SWT1: variants seen among roughly 807,000 people sequenced by gnomAD.
SWT1 encodes SWT1 RNA endoribonuclease homolog.
A neutral mutation model predicts 107.3 loss-of-function variants in SWT1; 33 were observed. The observed-to-expected ratio is 0.31, with a 90% CI of 0.23 to 0.41. SWT1 has a LOEUF of 0.41. Ranked by LOEUF, SWT1 falls within the 10% of genes least tolerant of loss-of-function variation. SWT1 has a pLI of 1.00. For missense variants in SWT1, 898 were observed against 1,028.9 expected, an observed-to-expected ratio of 0.87 and a Z score of 1.74; for synonymous variants, 345 against 348.3, an observed-to-expected ratio of 0.99 and a Z score of 0.11.
At chr1:185,201,207 G>A (rs904804182) in intron 10 of SWT1, among the ~76,000 whole-genome samples, 11 of 152,018 alleles carry the variant, frequency 7.2e-5, no homozygotes, top group Non-Finnish European at 8.8e-5. Context: ...TGAGATCCAC[G>A]GAGCTAGACC....
intron 4 of SWT1, among the ~76,000 whole-genome samples, chr1:185,172,827 T>A (rs907294894): frequency 6.6e-6 from 1 of 152,092 alleles, no homozygotes; most frequent in Admixed American, 6.6e-5. Flanking sequence ...GGTGGGCAGA[T>A]CACGAGGTCA....
Position 185,170,384 on chromosome 1 carries a change from C to T in SWT1, c.224+1986C>T, listed in dbSNP as rs1654944883. The stretch of plus-strand genomic sequence containing the variant: ...TCTCTAGCCTTTGTACGCACTGAGG[C>T]ACACCACTGTTTGTACAATGACTTC... On this transcript the variant is annotated intron_variant, in intron 4 of 18. Coordinates refer to ENST00000367500, the MANE Select transcript of SWT1 (RefSeq NM_017673.7). 2.0e-5 allele frequency among the ~76,000 whole-genome samples: 3 copies of T among 152,202 alleles called. No individual in the cohort carries two copies. In the South Asian group the frequency reaches 6.2e-4, roughly 31 times the overall value.
chr1:185,183,917 G>A (rs1344371045), intron 7 of SWT1, among the ~76,000 whole-genome samples: 1 of 152,120 alleles, frequency 6.6e-6, no homozygotes, highest in Non-Finnish European at 1.5e-5. Flanking sequence ...CAGGTTTCCC[G>A]TGTATTTCTG....
chr1:185,271,366 TA>T lies in SWT1; in HGVS notation c.2486del (p.Tyr829LeufsTer4), dbSNP rs1181629976. On this transcript the variant is annotated frameshift_variant, in exon 17 of 19. Transcript: ENST00000367500. LOFTEE classifies it high-confidence loss of function. The stretch of plus-strand genomic sequence containing the variant: ...TAATTATCAAGATGTTGAGACCCTC[TA>T]TAACTTCCTAATCAAGTATGAGGTA... ...NSNYQDVETL[Y>X]NFLIKYEVNK... 1 of 1,511,638 alleles carries T rather than the reference TA, an allele frequency of 6.6e-7. No homozygotes were observed. The highest frequency in any genetic ancestry group is 9.2e-7 in the Non-Finnish European group (1 of 1,088,706). The allele number at this position is 1,511,638 out of a possible 1,614,324, so 93.6% of individuals were successfully genotyped here.
chr1:185,183,305 GT>G (rs1160041630), intron 7 of SWT1, among the ~76,000 whole-genome samples: 1 of 151,652 alleles, frequency 6.6e-6, no homozygotes, highest in Non-Finnish European at 1.5e-5. Context: ...TTTTGTTTTT[GT>G]TTTTTTGAGA....
chr1:185,273,512 C>T (rs2102741865), intron 17 of SWT1, among the ~76,000 whole-genome samples: 1 of 151,992 alleles, frequency 6.6e-6, no homozygotes, highest in East Asian at 1.9e-4. Context: ...ACCAGCCTGG[C>T]CAACATAGTG....
intron 13 of SWT1, among the ~76,000 whole-genome samples, chr1:185,209,508 A>G (rs1658596720): frequency 1.3e-5 from 2 of 152,112 alleles, no homozygotes; most frequent in Non-Finnish European, 2.9e-5. Flanking sequence ...GTTTGCTGAG[A>G]ATGATGGTTT....
chr1:185,176,675 G>T, intron 5 of SWT1: 1 of 985,362 alleles, frequency 1.0e-6, no homozygotes, highest in South Asian at 4.7e-5. Flanking sequence ...AAGCCTACCT[G>T]CTTTTAGGTA....
chr1:185,207,386 T>C (rs1201035062), intron 13 of SWT1, among the ~76,000 whole-genome samples: 1 of 152,198 alleles, frequency 6.6e-6, no homozygotes, highest in Non-Finnish European at 1.5e-5. Flanking sequence ...GCCCAGTAGG[T>C]GGTGCCTTTG....
chr1:185,202,980 A>G (rs1658007513), intron 11 of SWT1, among the ~76,000 whole-genome samples, 181 bp downstream of exon 11: 1 of 152,376 alleles, frequency 6.6e-6, no homozygotes, highest in East Asian at 1.9e-4. Flanking sequence ...AAAAGAAAAC[A>G]TAATTAACAT....
intron 16 of SWT1, among the ~76,000 whole-genome samples, chr1:185,239,859 T>C (rs1051045026): frequency 1.3e-5 from 2 of 152,110 alleles, no homozygotes; most frequent in African/African-American, 4.8e-5. Context: ...TGATAAAGTT[T>C]CATTTGGAAC....
intron 1 of SWT1, among the ~76,000 whole-genome samples, chr1:185,158,385 A>G: frequency 6.6e-6 from 1 of 151,720 alleles, no homozygotes; most frequent in East Asian, 1.9e-4. Flanking sequence ...GCTTTTATCT[A>G]GTATTCCTGA....
intron 15 of SWT1, among the ~76,000 whole-genome samples, chr1:185,231,232 AT>A (rs887652033): frequency 2.6e-5 from 4 of 152,124 alleles, no homozygotes; most frequent in Non-Finnish European, 5.9e-5. Context: ...CTGATCTCTA[AT>A]TTTTTTCTTC....
intron 16 of SWT1, among the ~76,000 whole-genome samples, chr1:185,235,729 AG>A (rs1470406521): frequency 2.0e-5 from 3 of 152,172 alleles, no homozygotes; most frequent in Non-Finnish European, 4.4e-5. Context: ...AAAGAAATAA[AG>A]GGTATTCAAA....
rs898912965 is a variant in SWT1, at chr1:185,217,139, C to T, written c.2121+2484C>T. On this transcript the variant is annotated intron_variant, in intron 14 of 18. Transcript: ENST00000367500. Reference sequence around the variant, plus strand: ...TAGTGTGATTACTTGAAACCATCCACGCTGTTTCCAGGATTAGAACTCTGA... The same window carrying T: ...TAGTGTGATTACTTGAAACCATCCATGCTGTTTCCAGGATTAGAACTCTGA... 1.2e-4 allele frequency among the ~76,000 whole-genome samples: 19 copies of T among 152,270 alleles called. No individual in the cohort carries two copies. In the South Asian group the frequency reaches 3.1e-3, roughly 25 times the overall value.
intron 10 of SWT1, among the ~76,000 whole-genome samples, chr1:185,196,085 G>A (rs546708142): frequency 6.6e-6 from 1 of 152,098 alleles, no homozygotes; most frequent in Non-Finnish European, 1.5e-5. Context: ...TGTCCTGAAT[G>A]GTATTGCCTA....
chr1:185,258,766 C>G (rs79637007), intron 16 of SWT1, among the ~76,000 whole-genome samples: 2,734 of 151,990 alleles, frequency 0.018, 70 homozygotes, highest in African/African-American at 0.063. Flanking sequence ...GTTTACAATT[C>G]TATCATAATA....
intron 7 of SWT1, among the ~76,000 whole-genome samples, chr1:185,182,689 AAAAG>A (rs1455741230): frequency 0.04 from 5,902 of 146,238 alleles, 208 homozygotes; most frequent in Non-Finnish European, 0.068. Context: ...AAAAAAAAAA[AAAAG>A]AAAGAATGCA....
At chr1:185,212,212 TAAAATAAAA>T (rs1658875015) in intron 13 of SWT1, among the ~76,000 whole-genome samples, 1 of 151,844 alleles carries the variant, frequency 6.6e-6, no homozygotes, top group African/African-American at 2.4e-5. Context: ...GTAATAATAA[TAAAATAAAA>T]AAAATAAAGC....
Sources: gnomAD v4.1 joint callset for allele counts (sites outside exome capture counted in the v4.1 genomes callset) on GRCh38, gnomAD v4.1.1 for gene constraint, MANE v1.5 for transcripts, NCBI Gene and HGNC (gene_info 2026-07-23, HGNC 2026-07-21) for gene names.